Variants in MACROD2 observed in about 807,000 individuals in gnomAD.
MACROD2 encodes mono-ADP ribosylhydrolase 2.
A neutral mutation model predicts 70.4 loss-of-function variants in MACROD2; 36 were observed. The ratio of observed to expected loss-of-function variants is 0.51; its 90% CI spans 0.39 to 0.68. MACROD2 has a LOEUF of 0.68. Among genes scored for constraint, MACROD2 ranks in the 30% least tolerant of loss-of-function variants. The pLI, the probability that MACROD2 is intolerant of heterozygous loss-of-function variation, is 0.00. For synonymous variants in MACROD2, 172 were observed against 178.8 expected (o/e 0.96, Z 0.30); for missense variants, 496 against 538.4 (o/e 0.92, Z 0.78).
chr20:15,783,030 T>A (rs1382205355), intron 8 of MACROD2, among the ~76,000 whole-genome samples: 4 of 152,162 alleles, frequency 2.6e-5, no homozygotes, highest in Non-Finnish European at 4.4e-5. Flanking sequence ...TATTTATCTT[T>A]TACATTCTTT....
rs190376419 is a variant in MACROD2 at position 15,980,376 on chromosome 20, T to G, written c.986-6351T>G. ...TCCCCCTTTTGAGACTCTCACTTTT[T>G]CTTAGTGGGAGTTCTCACTCTTATT... is the stretch of plus-strand genomic sequence containing the variant. On this transcript the variant is annotated intron_variant, in intron 13 of 17. Transcript: ENST00000684519. 4.8e-3 allele frequency among the ~76,000 whole-genome samples: 736 copies of G among 152,354 alleles called. 4 individuals carry two copies. Among genetic ancestry groups the G allele is most frequent in the Middle Eastern group, 0.02 (6 of 294 alleles).
rs559983124 is a variant in MACROD2, at chr20:14,447,309, C to T, written c.272-46170C>T. Reference sequence around the variant, plus strand: ...CTGGGATTACAGGCGTGAGCCACTGCGCCCAGCCGATGCAGATTTTCAAAG... The same window carrying T: ...CTGGGATTACAGGCGTGAGCCACTGTGCCCAGCCGATGCAGATTTTCAAAG... On this transcript the variant is annotated intron_variant, in intron 3 of 17. Transcript: ENST00000684519. Among the ~76,000 whole-genome samples, 10 of 152,256 alleles carry T rather than the reference C, an allele frequency of 6.6e-5. No homozygotes were observed. In the East Asian group the frequency reaches 7.7e-4, roughly 12 times the overall value.
intron 3 of MACROD2, among the ~76,000 whole-genome samples, chr20:14,170,186 C>A (rs1342160515): frequency 6.6e-6 from 1 of 152,178 alleles, no homozygotes; most frequent in East Asian, 1.9e-4. Context: ...GCCACCACAC[C>A]CGGCCAACAC....
intron 4 of MACROD2, among the ~76,000 whole-genome samples, chr20:14,638,775 C>G (rs770250001): frequency 1.3e-4 from 19 of 151,740 alleles, no homozygotes; most frequent in South Asian, 4.2e-4. Flanking sequence ...ATGGTGAAAT[C>G]CCATCTTTAC....
chr20:15,415,646 T>C (rs1027508015), intron 6 of MACROD2, among the ~76,000 whole-genome samples: 8 of 152,226 alleles, frequency 5.3e-5, no homozygotes, highest in African/African-American at 1.9e-4. Flanking sequence ...TTCATCACTT[T>C]GTGAAATTAA....
chr20:14,617,328 A>G (rs1983541344), intron 4 of MACROD2, among the ~76,000 whole-genome samples: 1 of 152,092 alleles, frequency 6.6e-6, no homozygotes, highest in African/African-American at 2.4e-5. Context: ...GTTAATGTTT[A>G]TAGGAAACCT....
intron 3 of MACROD2, chr20:14,325,876 A>G (rs1399383750): frequency 6.2e-7 from 1 of 1,613,856 alleles, no homozygotes; most frequent in Non-Finnish European, 8.5e-7. Flanking sequence ...TAAAGCAAGA[A>G]GGGCAATGGT....
At chr20:15,863,217 G>A (rs185876446) in intron 9 of MACROD2, among the ~76,000 whole-genome samples, 1 of 152,228 alleles carries the variant, frequency 6.6e-6, no homozygotes, top group African/African-American at 2.4e-5. Context: ...GTTGGAAATT[G>A]TAAGCCCATT....
At chr20:15,462,722 T>A (rs1568826257) in intron 7 of MACROD2, among the ~76,000 whole-genome samples, 3 of 152,232 alleles carry the variant, frequency 2.0e-5, no homozygotes, top group Non-Finnish European at 2.9e-5. Flanking sequence ...ATTTACTGAA[T>A]GAATAAACTT....
intron 3 of MACROD2, among the ~76,000 whole-genome samples, chr20:14,382,532 G>A (rs1175061754): frequency 2.0e-5 from 3 of 151,942 alleles, no homozygotes; most frequent in Non-Finnish European, 2.9e-5. Context: ...GCGGGGCGTG[G>A]TGGTTCATGC....
Position 15,588,273 on chromosome 20 carries a change from C to G in MACROD2, c.645+88426C>G, listed in dbSNP as rs375020379. 1.1e-4 allele frequency among the ~76,000 whole-genome samples: 16 copies of G among 152,270 alleles called. No homozygotes were observed. The South Asian group carries it at 2.9e-3, about 28-fold the overall frequency. On this transcript the variant is annotated intron_variant, in intron 8 of 17. Coordinates refer to ENST00000684519, the MANE Select transcript of MACROD2 (RefSeq NM_001351661.2). ...GTGGCTGGGACACAGGGCACCAAAT[C>G]CCTAGACTGCACACAGAATGGGGAT...
intron 5 of MACROD2, among the ~76,000 whole-genome samples, chr20:14,956,114 C>T (rs2074534711): frequency 6.6e-6 from 1 of 150,842 alleles, no homozygotes; most frequent in African/African-American, 2.4e-5. Context: ...AAATGGAAAA[C>T]CTAGGCTAGC....
At chr20:14,336,801 A>G (rs762424196) in intron 3 of MACROD2, among the ~76,000 whole-genome samples, 2 of 152,096 alleles carry the variant, frequency 1.3e-5, no homozygotes, top group African/African-American at 4.8e-5. Flanking sequence ...TCTGAGTTCA[A>G]TTTACTAGTT....
At chr20:14,267,161 A>T (rs928226537) in intron 3 of MACROD2, among the ~76,000 whole-genome samples, 1 of 152,146 alleles carries the variant, frequency 6.6e-6, no homozygotes, top group Non-Finnish European at 1.5e-5. Context: ...ATGTAAGGAA[A>T]CTAGCTCGGA....
At chr20:15,207,436 G>GTTTTTTT (rs548522491) in intron 5 of MACROD2, among the ~76,000 whole-genome samples, 4 of 84,588 alleles carry the variant, frequency 4.7e-5, no homozygotes, top group Non-Finnish European at 6.4e-5. Flanking sequence ...TTTGTTTCTG[G>GTTTTTTT]TTTTTTTTTT....
intron 5 of MACROD2, among the ~76,000 whole-genome samples, chr20:15,168,617 T>G (rs1409380814): frequency 2.0e-5 from 3 of 152,094 alleles, no homozygotes; most frequent in African/African-American, 4.8e-5. Context: ...TGGAAACAAC[T>G]GCTATGTCCA....
intron 4 of MACROD2, among the ~76,000 whole-genome samples, chr20:14,538,606 C>G (rs2085395676): frequency 6.6e-6 from 1 of 152,142 alleles, no homozygotes; most frequent in South Asian, 2.1e-4. Context: ...ACTCTCTCAG[C>G]TCTAACCACA....
At chr20:14,093,466 G>A (rs1290407352) in intron 3 of MACROD2, among the ~76,000 whole-genome samples, 1 of 151,974 alleles carries the variant, frequency 6.6e-6, no homozygotes, top group Non-Finnish European at 1.5e-5. Context: ...TTGTCTATAC[G>A]TGATGTTCAG....
In MACROD2 at chr20:15,586,723, A is replaced by G. The variant is rs536716243; in HGVS notation, c.645+86876A>G. 5.1e-4 allele frequency among the ~76,000 whole-genome samples: 78 copies of G among 152,342 alleles called. 1 individual carries two copies. The Middle Eastern group carries it at 0.017, about 33-fold the overall frequency. ...AGCAAATGAAAAACAAACTATTTGT[A>G]CAATAGAAATGTTCAATAACTTGGC... is the stretch of plus-strand genomic sequence containing the variant. On this transcript the variant is annotated intron_variant, in intron 8 of 17. Coordinates refer to ENST00000684519, the MANE Select transcript of MACROD2 (RefSeq NM_001351661.2).
Sources: gnomAD v4.1 joint callset for allele counts (sites outside exome capture counted in the v4.1 genomes callset) on GRCh38, gnomAD v4.1.1 for gene constraint, MANE v1.5 for transcripts, NCBI Gene and HGNC (gene_info 2026-07-23, HGNC 2026-07-21) for gene names.